Variants in ATRNL1 observed in about 807,000 individuals in gnomAD.
ATRNL1 encodes attractin like 1.
ATRNL1 carries 95 observed loss-of-function variants against 182.7 expected under a neutral mutation model. That is an observed-to-expected ratio of 0.52 (90% CI 0.44 to 0.62). ATRNL1 has a LOEUF of 0.62. Among genes scored for constraint, ATRNL1 ranks in the 20% least tolerant of loss-of-function variants. ATRNL1 has a pLI of 0.00. For missense variants in ATRNL1, 1,471 were observed against 1,679.5 expected (o/e 0.88, Z 2.17); for synonymous variants, 576 against 568.3 (o/e 1.01, Z -0.19).
intron 18 of ATRNL1, among the ~76,000 whole-genome samples, chr10:115,327,763 T>G (rs1554933845): frequency 1.3e-5 from 2 of 151,856 alleles, no homozygotes; most frequent in African/African-American, 4.8e-5. Flanking sequence ...CCATAAAAAA[T>G]GATGAGTTCA....
chr10:115,388,535 G>T (rs1419988428), intron 19 of ATRNL1, among the ~76,000 whole-genome samples: 1 of 152,080 alleles, frequency 6.6e-6, no homozygotes, highest in East Asian at 1.9e-4. Context: ...GGTTCTAAAT[G>T]TGGCTCTACT....
At chr10:115,331,451 T>C (rs1009347685) in intron 18 of ATRNL1, among the ~76,000 whole-genome samples, 1 of 152,260 alleles carries the variant, frequency 6.6e-6, no homozygotes, top group Non-Finnish European at 1.5e-5. Flanking sequence ...GTTGAATTTC[T>C]CTAACAAATT....
intron 18 of ATRNL1, among the ~76,000 whole-genome samples, chr10:115,326,365 T>C (rs536283421): frequency 6.1e-4 from 93 of 152,114 alleles, no homozygotes; most frequent in African/African-American, 2.0e-3. Flanking sequence ...TACCTAGGAA[T>C]CCAACTTAAA....
At chr10:115,396,623 A>G (rs1362557754) in intron 20 of ATRNL1, among the ~76,000 whole-genome samples, 1 of 151,926 alleles carries the variant, frequency 6.6e-6, no homozygotes, top group Non-Finnish European at 1.5e-5. Context: ...CAATGAAAAT[A>G]TTTTCTGTAG....
chr10:115,248,826 T>C (rs1850752550), intron 10 of ATRNL1, among the ~76,000 whole-genome samples: 1 of 152,108 alleles, frequency 6.6e-6, no homozygotes, highest in Non-Finnish European at 1.5e-5. Flanking sequence ...GGAAAAGATA[T>C]TTGGCAACAT....
intron 26 of ATRNL1, 82 bp from the exon 27 acceptor site, chr10:115,727,166 G>A: frequency 3.2e-6 from 3 of 935,492 alleles, no homozygotes; most frequent in Non-Finnish European, 5.1e-6. Context: ...AATGCCATTT[G>A]TTAAAAGAGG....
chr10:115,360,888 A>G (rs1419535642), intron 19 of ATRNL1, among the ~76,000 whole-genome samples: 3 of 151,788 alleles, frequency 2.0e-5, no homozygotes, highest in Non-Finnish European at 4.4e-5. Flanking sequence ...TGTGTTTGCT[A>G]TGTCTTCATG....
intron 26 of ATRNL1, among the ~76,000 whole-genome samples, chr10:115,658,589 G>A (rs868954774): frequency 6.6e-6 from 1 of 152,080 alleles, no homozygotes; most frequent in Non-Finnish European, 1.5e-5. Context: ...AGGAGGGAGA[G>A]TTCCAGGGGG....
intron 26 of ATRNL1, among the ~76,000 whole-genome samples, chr10:115,675,696 G>A (rs1945839307): frequency 1.3e-5 from 2 of 152,138 alleles, no homozygotes; most frequent in South Asian, 4.1e-4. Context: ...GGTACCCACT[G>A]TGGTTACATA....
chr10:115,239,275 T>C (rs1214274972), intron 9 of ATRNL1, among the ~76,000 whole-genome samples: 5 of 152,088 alleles, frequency 3.3e-5, no homozygotes, highest in African/African-American at 9.7e-5. Flanking sequence ...CTCTGTTACC[T>C]GGGCTAGAGT....
At chr10:115,540,152 A>ATAT (rs1565148315) in intron 25 of ATRNL1, among the ~76,000 whole-genome samples, 13 of 147,528 alleles carry the variant, frequency 8.8e-5, no homozygotes, top group South Asian at 4.3e-4. Context: ...TAAATAAATA[A>ATAT]ATATATAGTG....
chr10:115,095,590 A>G (rs1354203670), intron 1 of ATRNL1, among the ~76,000 whole-genome samples: 1 of 152,152 alleles, frequency 6.6e-6, no homozygotes, highest in African/African-American at 2.4e-5. Flanking sequence ...GTAGTATAGT[A>G]ATGTAGTTTT....
Position 115,300,217 on chromosome 10 carries a change from G to A in ATRNL1, c.2599G>A (p.Ala867Thr), listed in dbSNP as rs1853404846. 5 of 1,613,786 alleles carry A rather than the reference G, an allele frequency of 3.1e-6. No homozygotes were observed. The highest frequency in any genetic ancestry group is 4.2e-6 in the Non-Finnish European group (5 of 1,179,868). The stretch of plus-strand genomic sequence containing the variant: ...AAAAGCTAATCCTTGTACATCTATG[G>A]CAAATGGCCTTGTCTGTGAAAAACC... ...GLKANPCTSMANGLVCEKPVV... is the reference protein window; with the variant it reads ...GLKANPCTSMTNGLVCEKPVV... The change falls in exon 16 of 29, where the codon GCA becomes ACA. Residue 867 changes from alanine (A) to threonine (T), a missense_variant. Around this residue, in one of 3 missense-constraint regions of ATRNL1, gnomAD observed 1,031 missense variants for 1,156.0 expected, o/e 0.89. Coordinates refer to ENST00000355044, the MANE Select transcript of ATRNL1 (RefSeq NM_207303.4).
intron 25 of ATRNL1, among the ~76,000 whole-genome samples, chr10:115,528,115 G>A (rs1554987205): frequency 6.8e-6 from 1 of 147,540 alleles, no homozygotes; most frequent in African/African-American, 2.5e-5. Flanking sequence ...GCTGCATTCT[G>A]TAGACATTAA....
chr10:115,531,192 G>A (rs2133746506), intron 25 of ATRNL1, among the ~76,000 whole-genome samples: 1 of 152,086 alleles, frequency 6.6e-6, no homozygotes, highest in East Asian at 1.9e-4. Context: ...AGATCCCTGA[G>A]TAATCGCCAC....
intron 14 of ATRNL1, among the ~76,000 whole-genome samples, chr10:115,283,320 A>G (rs1324279903): frequency 2.0e-5 from 3 of 152,080 alleles, no homozygotes; most frequent in African/African-American, 7.2e-5. Flanking sequence ...AGGCTGAGGC[A>G]GGAGAATCAC....
intron 5 of ATRNL1, among the ~76,000 whole-genome samples, chr10:115,132,469 T>C (rs1307360147): frequency 6.6e-6 from 1 of 152,140 alleles, no homozygotes; most frequent in Non-Finnish European, 1.5e-5. Flanking sequence ...CTGGGTCAAA[T>C]GGTATTTCTA....
intron 5 of ATRNL1, among the ~76,000 whole-genome samples, chr10:115,148,502 T>A (rs1846065664): frequency 6.6e-6 from 1 of 152,176 alleles, no homozygotes; most frequent in South Asian, 2.1e-4. Flanking sequence ...AAAGTGGACA[T>A]CTTTGTCTTC....
chr10:115,744,324 C>T (rs1555068583), intron 27 of ATRNL1, among the ~76,000 whole-genome samples: 1 of 152,028 alleles, frequency 6.6e-6, no homozygotes, highest in African/African-American at 2.4e-5. Context: ...ACTAGACATT[C>T]CAGATAGCAC....
Sources: allele counts gnomAD v4.1 joint callset (sites outside exome capture counted in the v4.1 genomes callset), GRCh38; gene constraint gnomAD v4.1.1; regional missense constraint gnomAD v4.1.1; transcripts MANE v1.5; gene names NCBI Gene and HGNC (gene_info 2026-07-23, HGNC 2026-07-21).